The following WDR26 variants were observed in gnomAD, a reference collection of about 807,000 sequenced individuals.
WDR26 encodes WD repeat-containing protein 26.
A neutral mutation model predicts 84.1 loss-of-function variants in WDR26; 5 were observed. The observed-to-expected ratio is 0.06, with a 90% CI of 0.03 to 0.13. WDR26 has a LOEUF of 0.13. Among genes scored for constraint, WDR26 ranks in the 10% least tolerant of loss-of-function variants. The pLI, the probability that WDR26 is intolerant of heterozygous loss-of-function variation, is 1.00. For synonymous variants in WDR26, 415 were observed against 389.6 expected (o/e 1.07, Z -0.77); for missense variants, 642 against 974.9 (o/e 0.66, Z 4.55).
chr1:224,406,817 A>T, intron 7 of WDR26, among the ~76,000 whole-genome samples: 1 of 151,204 alleles, frequency 6.6e-6, no homozygotes, highest in East Asian at 1.9e-4. Context: ...CTGAAGACAA[A>T]CTCCTTTAGA....
chr1:224,388,956 G>T lies in WDR26; in HGVS notation c.*879C>A, dbSNP rs1198906041. 4 of 152,504 alleles carry T rather than the reference G, an allele frequency of 2.6e-5. No homozygotes were observed. Among genetic ancestry groups the T allele is most frequent in the Non-Finnish European group, 5.9e-5 (4 of 68,034 alleles). 9.4% of individuals were successfully genotyped at this position (152,504 alleles called of 1,614,324 possible). On this transcript the variant is annotated 3_prime_UTR_variant, in exon 14 of 14. Coordinates refer to ENST00000414423, the MANE Select transcript of WDR26 (RefSeq NM_001379403.1). ...GTTCCTTCAGGAATAAAACAAAAGGGGGGAAATCTTCAAAGCATTACTCTG... is the reference window on the plus strand; with the variant it reads ...GTTCCTTCAGGAATAAAACAAAAGGTGGGAAATCTTCAAAGCATTACTCTG...
At chr1:224,393,363 T>C (rs529128504) in intron 13 of WDR26, among the ~76,000 whole-genome samples, 1 of 152,360 alleles carries the variant, frequency 6.6e-6, no homozygotes, top group South Asian at 2.1e-4. Flanking sequence ...CCCTATCCAT[T>C]AAACACAACT....
At chr1:224,429,902 A>AT (rs1165614030) in intron 3 of WDR26, 1 of 152,206 alleles carries the variant, frequency 6.6e-6, no homozygotes, top group Non-Finnish European at 1.5e-5. Flanking sequence ...AGCCTATTAA[A>AT]TTTTTTACTA....
intron 1 of WDR26, 57 bp downstream of exon 1, chr1:224,433,627 C>A (rs979141157): frequency 3.8e-6 from 5 of 1,331,474 alleles, no homozygotes; most frequent in Admixed American, 3.0e-5. Context: ...CCCCTACCCC[C>A]CTGGAGCCTC....
At position 224,398,570 on chromosome 1, in the gene WDR26, A is replaced by G. The variant is rs753369214; in HGVS notation, c.1889T>C (p.Met630Thr). 6.2e-7 allele frequency: 1 copy of G among 1,610,280 alleles called. No individual in the cohort carries two copies. Among genetic ancestry groups the G allele is most frequent in the East Asian group, 2.2e-5 (1 of 44,762 alleles). Reference sequence around the variant, plus strand: ...GCCATTTTTTGAAATAGTAAAAGACATAATAGGATGATCTTCTTGTACTCT... The same window carrying G: ...GCCATTTTTTGAAATAGTAAAAGACGTAATAGGATGATCTTCTTGTACTCT... The change falls in exon 11 of 14, where the codon ATG becomes ACG. Residue 630 changes from methionine (M) to threonine (T), a missense_variant. Met to Thr is a moderately conservative substitution (Grantham distance 81). This residue lies in a region of WDR26 where 351 missense variants were observed against 672.8 expected (regional missense o/e 0.52). Coordinates refer to ENST00000414423, the MANE Select transcript of WDR26 (RefSeq NM_001379403.1).
rs374760855 is a variant in WDR26, at chr1:224,404,561, G to C, written c.1468C>G (p.Leu490Val). The change falls in exon 8 of 14, where the codon CTG becomes GTG. Residue 490 changes from leucine (L) to valine (V), a missense_variant. Leu to Val is a conservative substitution (Grantham distance 32, BLOSUM62 1). Coordinates refer to ENST00000414423, the MANE Select transcript of WDR26 (RefSeq NM_001379403.1). ...TCTAATGTTTTAAGCAGTTTTAGCA[G>C]GTGTGTATCCTGGGAGGGAAAATAA... 4.3e-6 allele frequency: 7 copies of C among 1,611,974 alleles called. No homozygotes were observed. Among genetic ancestry groups the C allele is most frequent in the Non-Finnish European group, 5.9e-6 (7 of 1,178,890 alleles).
At position 224,434,449 on chromosome 1, in the gene WDR26, C is replaced by G; in HGVS notation, c.-44G>C. ...CGAGGCGGGGGAGGGGAGGCGGGGGCCGGGGAGAGGGTCGGGGTGAGGGGG... is the reference window on the plus strand; with the variant it reads ...CGAGGCGGGGGAGGGGAGGCGGGGGGCGGGGAGAGGGTCGGGGTGAGGGGG... On this transcript the variant is annotated 5_prime_UTR_variant, in exon 1 of 14. Transcript: ENST00000414423. The G allele has an allele frequency of 3.3e-6, 1 of 305,138 alleles. No homozygotes were observed. The highest frequency in any genetic ancestry group is 4.3e-6 in the Non-Finnish European group (1 of 231,906). The allele number at this position is 305,138 out of a possible 1,614,324, so 18.9% of individuals were successfully genotyped here. A position where few individuals can be genotyped will look rare whatever the true frequency, so the allele number is the denominator to read the frequency against.
At chr1:224,419,414 A>G (rs1056414385) in intron 5 of WDR26, 104 bp downstream of exon 5, 31 of 910,622 alleles carry the variant, frequency 3.4e-5, no homozygotes, top group South Asian at 3.4e-4. Context: ...TAAGCACTCA[A>G]TAAAAGTATG....
intron 6 of WDR26, among the ~76,000 whole-genome samples, chr1:224,415,443 G>GT (rs1673866750): frequency 7.2e-6 from 1 of 139,304 alleles, no homozygotes. Context: ...TCTGGAACAC[G>GT]TATTTCTTTC....
At chr1:224,417,872 A>G (rs1471592422) in intron 6 of WDR26, among the ~76,000 whole-genome samples, 2 of 152,242 alleles carry the variant, frequency 1.3e-5, no homozygotes, top group Non-Finnish European at 2.9e-5. Context: ...AACCCAAACC[A>G]TAAGTTAATA....
rs527403438 is a variant in WDR26 at position 224,385,423 on chromosome 1, G to T, written c.*4412C>A. 6.6e-6 allele frequency: 1 copy of T among 152,272 alleles called. No individual in the cohort carries two copies. Among genetic ancestry groups the T allele is most frequent in the East Asian group, 1.9e-4 (1 of 5,176 alleles). 9.4% of individuals were successfully genotyped at this position (152,272 alleles called of 1,614,324 possible). A position where few individuals can be genotyped will look rare whatever the true frequency, so the allele number is the denominator to read the frequency against. On this transcript the variant is annotated 3_prime_UTR_variant, in exon 14 of 14. Coordinates refer to ENST00000414423, the MANE Select transcript of WDR26 (RefSeq NM_001379403.1). ...TTTATACTTTAATGAATAAAGCAAA[G>T]AAATTTAAACTAAGTAAATATAATC...
chr1:224,426,063 G>A (rs1674201788), intron 3 of WDR26, among the ~76,000 whole-genome samples: 1 of 152,050 alleles, frequency 6.6e-6, no homozygotes, highest in African/African-American at 2.4e-5. Context: ...TTGCCATGTT[G>A]GCCAGGCTGG....
intron 1 of WDR26, 70 bp downstream of exon 1, chr1:224,433,614 C>CT: frequency 2.0e-6 from 2 of 998,422 alleles, no homozygotes; most frequent in Non-Finnish European, 2.6e-6. Context: ...CCCTCCGCCC[C>CT]TTCCCCTACC....
chr1:224,410,892 A>G (rs1295645212), intron 7 of WDR26, among the ~76,000 whole-genome samples: 3 of 151,796 alleles, frequency 2.0e-5, no homozygotes, highest in Admixed American at 6.6e-5. Flanking sequence ...ACTCTCCTCT[A>G]TGTTGTCCAG....
chr1:224,425,079 T>TA (rs913715083), intron 3 of WDR26, among the ~76,000 whole-genome samples: 8 of 152,122 alleles, frequency 5.3e-5, no homozygotes, highest in African/African-American at 1.9e-4. Context: ...TTGAAAAGAT[T>TA]AGAGAAAAAA....
chr1:224,413,945 G>T (rs1045395150), intron 6 of WDR26, among the ~76,000 whole-genome samples: 4 of 151,986 alleles, frequency 2.6e-5, no homozygotes, highest in African/African-American at 9.7e-5. Context: ...CAGCAGCTGG[G>T]ATTACAGGTG....
At chr1:224,428,187 C>T (rs1248403301) in intron 3 of WDR26, among the ~76,000 whole-genome samples, 1 of 152,098 alleles carries the variant, frequency 6.6e-6, no homozygotes, top group South Asian at 2.1e-4. Context: ...CCTAGTCCAC[C>T]CAATACTGAA....
At chr1:224,412,935 T>C (rs1032716045) in intron 6 of WDR26, 1 of 154,370 alleles carries the variant, frequency 6.5e-6, no homozygotes, top group African/African-American at 2.4e-5. Context: ...ACACGTGTAA[T>C]CCCAGCACTT....
chr1:224,429,035 G>A (rs373285064), intron 3 of WDR26, among the ~76,000 whole-genome samples: 15 of 152,222 alleles, frequency 9.9e-5, no homozygotes, highest in African/African-American at 3.1e-4. Flanking sequence ...AGGCTGGGGC[G>A]GGCGGATCAC....
Sources: gnomAD v4.1 joint callset for allele counts (sites outside exome capture counted in the v4.1 genomes callset) on GRCh38, gnomAD v4.1.1 for gene constraint, gnomAD v4.1.1 regional missense constraint, MANE v1.5 for transcripts, NCBI Gene and HGNC (gene_info 2026-07-23, HGNC 2026-07-21) for gene names.